THADA: variants seen among roughly 807,000 people sequenced by gnomAD.
THADA encodes the protein tRNA (32-2'-O)-methyltransferase regulator THADA.
THADA carries 213 observed loss-of-function variants against 219.8 expected under a neutral mutation model. The ratio of observed to expected loss-of-function variants is 0.97; its 90% CI spans 0.87 to 1.09. THADA has a LOEUF of 1.09. Ranked by LOEUF, THADA falls within the 50% of genes least tolerant of loss-of-function variation. THADA has a pLI of 0.00. For synonymous variants in THADA, 1,018 were observed against 828.9 expected (o/e 1.23, Z -3.92); for missense variants, 2,956 against 2,311.3 (o/e 1.28, Z -5.72).
At chr2:43,343,938 A>C (rs1032772445) in intron 30 of THADA, 184 bp downstream of exon 30, 12 of 498,770 alleles carry the variant, frequency 2.4e-5, no homozygotes, top group Non-Finnish European at 4.0e-5. Flanking sequence ...CAGTTTTAGA[A>C]AAATTGTCAA....
intron 22 of THADA, among the ~76,000 whole-genome samples, chr2:43,526,332 C>G (rs1693156857): frequency 1.0e-5 from 1 of 96,170 alleles, no homozygotes; most frequent in African/African-American, 6.4e-5. Context: ...TACAGTAAAT[C>G]TATTTCCAAG....
chr2:43,371,380 A>C (rs1454137003), intron 29 of THADA, among the ~76,000 whole-genome samples: 1 of 152,238 alleles, frequency 6.6e-6, no homozygotes, highest in Non-Finnish European at 1.5e-5. Context: ...ATATTATAAC[A>C]TTCTTTTGCA....
chr2:43,503,013 A>G (rs1438495589), intron 24 of THADA, among the ~76,000 whole-genome samples: 1 of 152,246 alleles, frequency 6.6e-6, no homozygotes, highest in Non-Finnish European at 1.5e-5. Flanking sequence ...GATGCAAAAT[A>G]AAACTAGAAA....
chr2:43,570,601 G>T, intron 13 of THADA, 91 bp from the exon 14 acceptor site: 2 of 1,322,138 alleles, frequency 1.5e-6, no homozygotes, highest in South Asian at 1.6e-5. Context: ...TAAAACTTCA[G>T]GCAAGAAGAG....
rs562581560 is a variant in THADA, at chr2:43,493,875, T to C, written c.3744+4958A>G. On this transcript the variant is annotated intron_variant, in intron 25 of 37. Coordinates refer to ENST00000405975, the MANE Select transcript of THADA (RefSeq NM_022065.5). ...ACTATTACAATAGCTTCCTGACTGG[T>C]CTTCTTCCTTCCCTCTTGCTATCTT... 3.0e-4 allele frequency among the ~76,000 whole-genome samples: 45 copies of C among 152,288 alleles called. 1 individual carries two copies. The South Asian group carries it at 6.8e-3, about 23-fold the overall frequency.
chr2:43,265,872 C>CTCA (rs1253911539), intron 36 of THADA, among the ~76,000 whole-genome samples: 1 of 151,290 alleles, frequency 6.6e-6, no homozygotes, highest in Admixed American at 6.6e-5. Context: ...CCTAAGCGTT[C>CTCA]TCATTTGGAA....
chr2:43,549,350 T>C lies in THADA; in HGVS notation c.2966A>G (p.Gln989Arg), dbSNP rs745882269. 1.9e-6 allele frequency: 3 copies of C among 1,603,198 alleles called. No homozygotes were observed. Among genetic ancestry groups the C allele is most frequent in the East Asian group, 4.5e-5 (2 of 44,766 alleles). The stretch of plus-strand genomic sequence containing the variant: ...AGGCTGAATCTCATTCAGAATCATC[T>C]GTAAGCGGCTTGCTGACTCTGAGGG... Reference protein sequence around the residue: ...DTDSESASRLQMILNEIQPRD... With the variant: ...DTDSESASRLRMILNEIQPRD... Residue 989 changes from glutamine (Q) to arginine (R), a missense_variant, in exon 20 of 38, where the codon CAG (glutamine) becomes CGG (arginine). Gln to Arg is a conservative substitution (Grantham distance 43, BLOSUM62 1). Coordinates refer to ENST00000405975, the MANE Select transcript of THADA (RefSeq NM_022065.5).
At chr2:43,286,536 T>A (rs1343188518) in intron 35 of THADA, among the ~76,000 whole-genome samples, 1 of 151,804 alleles carries the variant, frequency 6.6e-6, no homozygotes, top group Admixed American at 6.6e-5. Flanking sequence ...AGGTCAAGAG[T>A]TCGAGACCAG....
chr2:43,467,306 C>T (rs141785020), intron 26 of THADA, among the ~76,000 whole-genome samples: 263 of 151,362 alleles, frequency 1.7e-3, no homozygotes, highest in African/African-American at 6.2e-3. Context: ...AATTTGAACA[C>T]TAGCTCTGCT....
rs543604919 is a variant in THADA at position 43,381,837 on chromosome 2, G to A, written c.4227+16134C>T. Among the ~76,000 whole-genome samples, 8 of 152,026 alleles carry A rather than the reference G, an allele frequency of 5.3e-5. No homozygotes were observed. In the East Asian group the frequency reaches 9.7e-4, roughly 18 times the overall value. On this transcript the variant is annotated intron_variant, in intron 29 of 37. Transcript: ENST00000405975. ...TGACCTCAAGTGATCTGCCTGCCTC[G>A]GCCTCCCAAAGTGCTGGGATTATGA... is the stretch of plus-strand genomic sequence containing the variant.
Position 43,381,747 on chromosome 2 carries a change from T to G in THADA, c.4227+16224A>C, listed in dbSNP as rs555371795. Among the ~76,000 whole-genome samples the G allele has an allele frequency of 8.5e-5, 13 of 152,110 alleles. No homozygotes were observed. In the East Asian group the frequency reaches 2.5e-3, roughly 29 times the overall value. On this transcript the variant is annotated intron_variant, in intron 29 of 37. Coordinates refer to ENST00000405975, the MANE Select transcript of THADA (RefSeq NM_022065.5). ...GTGTGTGCCACCACGCCCAGCTAAT[T>G]TTTGCATTTTTAGTGGAGACGGGGT...
At chr2:43,283,752 A>G (rs1038773195) in intron 35 of THADA, among the ~76,000 whole-genome samples, 1 of 152,240 alleles carries the variant, frequency 6.6e-6, no homozygotes, top group Non-Finnish European at 1.5e-5. Flanking sequence ...ATGCATGAAC[A>G]AAGAGATTAT....
chr2:43,321,795 T>C (rs1297080269), intron 30 of THADA, among the ~76,000 whole-genome samples: 3 of 152,212 alleles, frequency 2.0e-5, no homozygotes, highest in Non-Finnish European at 4.4e-5. Flanking sequence ...TGCCTGGCCA[T>C]GGCAGATGTT....
At chr2:43,384,976 A>T (rs1253444041) in intron 29 of THADA, among the ~76,000 whole-genome samples, 1 of 152,032 alleles carries the variant, frequency 6.6e-6, no homozygotes, top group East Asian at 1.9e-4. Context: ...CACCATCTCT[A>T]CTAAAAATAC....
At chr2:43,539,060 C>A (rs1694967147) in intron 21 of THADA, among the ~76,000 whole-genome samples, 1 of 152,176 alleles carries the variant, frequency 6.6e-6, no homozygotes, top group South Asian at 2.1e-4. Flanking sequence ...CTTTCTTCAT[C>A]CATTGAGAGA....
chr2:43,287,837 G>A (rs952533338), intron 34 of THADA, among the ~76,000 whole-genome samples: 1 of 152,170 alleles, frequency 6.6e-6, no homozygotes, highest in Non-Finnish European at 1.5e-5. Context: ...ATTAAGTTCT[G>A]AAGACTGGGA....
chr2:43,232,925 G>C, intron 36 of THADA, 43 bp from the exon 37 acceptor site: 1 of 1,558,998 alleles, frequency 6.4e-7, no homozygotes, highest in East Asian at 2.4e-5. Context: ...ATACTGCTCA[G>C]GGCCGACCCC....
intron 36 of THADA, among the ~76,000 whole-genome samples, chr2:43,270,263 C>A (rs1327913883): frequency 1.3e-5 from 2 of 152,142 alleles, no homozygotes; most frequent in Non-Finnish European, 2.9e-5. Flanking sequence ...ATCTGTAAGT[C>A]AGAGGCTCTA....
At chr2:43,290,853 C>T (rs963127865) in intron 34 of THADA, among the ~76,000 whole-genome samples, 9 of 151,868 alleles carry the variant, frequency 5.9e-5, no homozygotes, top group African/African-American at 1.2e-4. Context: ...AGACATCTTC[C>T]CAGGAAGCTG....
Sources: allele counts gnomAD v4.1 joint callset (sites outside exome capture counted in the v4.1 genomes callset), GRCh38; gene constraint gnomAD v4.1.1; transcripts MANE v1.5; gene names NCBI Gene and HGNC (gene_info 2026-07-23, HGNC 2026-07-21).